PAWR: variants seen among roughly 807,000 people sequenced by gnomAD.
The protein encoded by PAWR is PRKC apoptosis WT1 regulator protein.
Under a neutral mutation model 32.0 loss-of-function variants are expected in PAWR, and 23 were observed. The ratio of observed to expected loss-of-function variants is 0.72; its 90% CI spans 0.52 to 1.02. The LOEUF (loss-of-function observed/expected upper bound fraction) is 1.02, where lower values mean the gene tolerates loss of function less well. Among genes scored for constraint, PAWR ranks in the 50% least tolerant of loss-of-function variants. The pLI is 0.00. For synonymous variants in PAWR, 226 were observed against 187.1 expected, an observed-to-expected ratio of 1.21 and a Z score of -1.70; for missense variants, 457 against 437.7, an observed-to-expected ratio of 1.04 and a Z score of -0.39.
chr12:79,671,683 A>T (rs892177473), intron 2 of PAWR, among the ~76,000 whole-genome samples: 1 of 152,232 alleles, frequency 6.6e-6, no homozygotes, highest in Non-Finnish European at 1.5e-5. Flanking sequence ...ATGATAATTA[A>T]ATAAGCTTAT....
chr12:79,638,862 T>TTATATATATATA (rs1876105024), intron 2 of PAWR, among the ~76,000 whole-genome samples: 2 of 25,428 alleles, frequency 7.9e-5, no homozygotes, highest in African/African-American at 1.7e-4. Flanking sequence ...TGAGATGGAG[T>TTATATATATATA]CATATATATA....
Position 79,594,373 on chromosome 12 carries a change from C to A in PAWR, c.892G>T (p.Glu298Ter). ...TCTTCTTTGAGTTTTCCAATCATTT[C>A]CTCTTTATCTTGCATCAGTCTCACA... is the stretch of plus-strand genomic sequence containing the variant. ...RLVRLMQDKE[E>*]MIGKLKEEID... Residue 298 changes from glutamate to a stop codon, truncating the protein, a stop_gained, in exon 6 of 7, where the codon GAA becomes TAA. Transcript: ENST00000328827. LOFTEE classifies it high-confidence loss of function. 1 of 1,561,808 alleles carries A rather than the reference C, an allele frequency of 6.4e-7. No homozygotes were observed. The highest frequency in any genetic ancestry group is 8.8e-7 in the Non-Finnish European group (1 of 1,139,882).
intron 2 of PAWR, among the ~76,000 whole-genome samples, chr12:79,647,602 C>T (rs1204976548): frequency 6.6e-6 from 1 of 152,090 alleles, no homozygotes; most frequent in Non-Finnish European, 1.5e-5. Context: ...ACAGAACTAC[C>T]ATTTTGTTTG....
intron 2 of PAWR, among the ~76,000 whole-genome samples, chr12:79,686,171 A>G (rs1878671100): frequency 6.6e-6 from 1 of 152,142 alleles, no homozygotes; most frequent in Non-Finnish European, 1.5e-5. Flanking sequence ...CTACCTATTC[A>G]AAGATTACAT....
rs1873503707 is a variant in PAWR at position 79,590,098 on chromosome 12, G to A, written c.*2509C>T. The A allele has an allele frequency of 6.6e-6, 1 of 151,968 alleles. No individual in the cohort carries two copies. The highest frequency in any genetic ancestry group is 2.4e-5 in the African/African-American group (1 of 41,338). The allele number at this position is 151,968 out of a possible 1,614,324, so 9.4% of individuals were successfully genotyped here. ...TGAAATGCTTTGCCTAAGTTGTAAGGCTCCTGTCTTTACGCTATCATTAAA... is the reference window on the plus strand; with the variant it reads ...TGAAATGCTTTGCCTAAGTTGTAAGACTCCTGTCTTTACGCTATCATTAAA... On this transcript the variant is annotated 3_prime_UTR_variant, in exon 7 of 7. Coordinates refer to ENST00000328827, the MANE Select transcript of PAWR (RefSeq NM_002583.4).
intron 2 of PAWR, among the ~76,000 whole-genome samples, chr12:79,645,260 T>C (rs1422154083): frequency 6.6e-6 from 1 of 152,214 alleles, no homozygotes; most frequent in Non-Finnish European, 1.5e-5. Context: ...AGGACATAAA[T>C]ACTTATACTG....
At chr12:79,611,157 T>C (rs934892972) in intron 4 of PAWR, among the ~76,000 whole-genome samples, 3 of 146,890 alleles carry the variant, frequency 2.0e-5, no homozygotes, top group Non-Finnish European at 4.5e-5. Flanking sequence ...TATATATATT[T>C]ATATAAATCT....
Position 79,632,339 on chromosome 12 carries a change from ATATATATATATATATATATATATT to A in PAWR, c.517-11156_517-11133del, listed in dbSNP as rs1566011023. ...TATATATATATATATATATATATATATATATATATATATATATATATATTTTTTTTTTTTTTTAGACAGGGTCTT... is the reference window on the plus strand; with the variant it reads ...TATATATATATATATATATATATATATTTTTTTTTTTTTAGACAGGGTCTT... On this transcript the variant is annotated intron_variant, in intron 2 of 6. Transcript: ENST00000328827. Among the ~76,000 whole-genome samples, 17 of 52,992 alleles carry A rather than the reference ATATATATATATATATATATATATT, an allele frequency of 3.2e-4. 1 individual carries two copies. In the African/African-American group the frequency reaches 4.8e-3, roughly 15 times the overall value. The allele number at this position is 52,992 out of a possible 152,430, so 34.8% of individuals were successfully genotyped here. A position where few individuals can be genotyped will look rare whatever the true frequency, so the allele number is the denominator to read the frequency against.
intron 2 of PAWR, chr12:79,632,312 CATATATATATATATATAT>C (rs71091677): frequency 5.2e-4 from 6 of 11,602 alleles, no homozygotes; most frequent in Non-Finnish European, 6.2e-4. Context: ...TATATACATA[CATATATATATATATATAT>C]ATATATATAT....
chr12:79,689,144 CTGTG>C (rs1021034242), intron 2 of PAWR, among the ~76,000 whole-genome samples: 1 of 152,186 alleles, frequency 6.6e-6, no homozygotes, highest in Non-Finnish European at 1.5e-5. Context: ...CAGAAAAACA[CTGTG>C]TGTTTAGGAG....
Position 79,689,944 on chromosome 12 carries a change from C to CCCG in PAWR, c.298_300dup (p.Arg100dup). ...TCCGACCGCCGCGGGCCGGGGGCCG[C>CCCG]CCGCGTCAGCATGGCGGAGCCGACC... On this transcript the variant is annotated inframe_insertion, in exon 2 of 7. Transcript: ENST00000328827. The CCCG allele has an allele frequency of 7.1e-7, 1 of 1,402,982 alleles. No homozygotes were observed. Among genetic ancestry groups the CCCG allele is most frequent in the Non-Finnish European group, 9.2e-7 (1 of 1,085,412 alleles). 86.9% of individuals were successfully genotyped at this position (1,402,982 alleles called of 1,614,324 possible).
intron 3 of PAWR, among the ~76,000 whole-genome samples, chr12:79,619,628 A>G (rs919753402): frequency 1.3e-5 from 2 of 152,208 alleles, no homozygotes; most frequent in East Asian, 3.9e-4. Context: ...CTATACTAGT[A>G]TCATTGAAAC....
rs201516094 is a variant in PAWR, at chr12:79,622,035, CA to C, written c.517-829del. Among the ~76,000 whole-genome samples, 200 of 150,934 alleles carry C rather than the reference CA, an allele frequency of 1.3e-3. 1 individual carries two copies. Among genetic ancestry groups the C allele is most frequent in the African/African-American group, 4.5e-3 (186 of 41,096 alleles). On this transcript the variant is annotated intron_variant, in intron 2 of 6. Coordinates refer to ENST00000328827, the MANE Select transcript of PAWR (RefSeq NM_002583.4). ...ACAAATAAACAAACAAAAACAAAAA[CA>C]AAAAAAACCACACACCTCTTTGTAG...
At chr12:79,650,701 G>C (rs1442115718) in intron 2 of PAWR, among the ~76,000 whole-genome samples, 5 of 128,058 alleles carry the variant, frequency 3.9e-5, no homozygotes, top group African/African-American at 5.7e-5. Context: ...GTTCAACAGA[G>C]CTTAAAGGTT....
At chr12:79,607,063 T>C (rs1874211801) in intron 4 of PAWR, among the ~76,000 whole-genome samples, 2 of 152,198 alleles carry the variant, frequency 1.3e-5, no homozygotes, top group Non-Finnish European at 1.5e-5. Context: ...ATCTATTAAC[T>C]AGAAAGGTCA....
chr12:79,621,578 T>C (rs1290637190), intron 2 of PAWR, among the ~76,000 whole-genome samples: 2 of 152,102 alleles, frequency 1.3e-5, no homozygotes, highest in Non-Finnish European at 2.9e-5. Context: ...GAATTTATAA[T>C]CTAGTAGGAA....
intron 5 of PAWR, 69 bp from the exon 6 acceptor site, chr12:79,594,502 A>T: frequency 2.8e-6 from 2 of 720,746 alleles, no homozygotes; most frequent in Admixed American, 3.0e-5. Flanking sequence ...TAAGTGGCAT[A>T]TATCTCCCCA....
At chr12:79,594,700 C>CGT (rs34121968) in intron 5 of PAWR, among the ~76,000 whole-genome samples, 3,010 of 148,522 alleles carry the variant, frequency 0.02, 52 homozygotes, top group African/African-American at 0.037. Context: ...GATTTAACCT[C>CGT]GTGTGTGTGT....
chr12:79,639,869 TATTCCTATTCCTATTCCATTCCATTCC>T (rs1876211168), intron 2 of PAWR, among the ~76,000 whole-genome samples: 1 of 105,580 alleles, frequency 9.5e-6, no homozygotes, highest in African/African-American at 5.1e-5. Flanking sequence ...TTCCTATTCC[TATTCCTATTCCTATTCCATTCCATTCC>T]ATTCCATTCC....
Sources: gnomAD v4.1 joint callset for allele counts (sites outside exome capture counted in the v4.1 genomes callset) on GRCh38, gnomAD v4.1.1 for gene constraint, MANE v1.5 for transcripts, NCBI Gene and HGNC (gene_info 2026-07-23, HGNC 2026-07-21) for gene names.